Variants in MAP3K7 observed in about 807,000 individuals in gnomAD.
MAP3K7 encodes the protein TGF-beta activated kinase 1.
Under a neutral mutation model 84.8 loss-of-function variants are expected in MAP3K7, and 21 were observed. The observed-to-expected ratio is 0.25, with a 90% CI of 0.18 to 0.36. MAP3K7 has a LOEUF of 0.36. Among genes scored for constraint, MAP3K7 ranks in the 10% least tolerant of loss-of-function variants. The pLI is 1.00. For missense variants in MAP3K7, 503 were observed against 747.7 expected (o/e 0.67, Z 3.82); for synonymous variants, 241 against 247.7 (o/e 0.97, Z 0.25).
At chr6:90,553,227 C>T (rs566970597) in intron 7 of MAP3K7, among the ~76,000 whole-genome samples, 7 of 152,216 alleles carry the variant, frequency 4.6e-5, no homozygotes, top group African/African-American at 1.7e-4. Flanking sequence ...ATCAGCGGAG[C>T]CAGTGAACAT....
intron 1 of MAP3K7, among the ~76,000 whole-genome samples, chr6:90,581,199 C>A (rs1031534951): frequency 6.6e-6 from 1 of 152,232 alleles, no homozygotes; most frequent in Admixed American, 6.5e-5. Context: ...ACACACCTAA[C>A]CTAAATGGAA....
Position 90,515,388 on chromosome 6 carries a change from T to C in MAP3K7, c.*1113A>G, listed in dbSNP as rs1774925705. The C allele has an allele frequency of 1.3e-5, 2 of 152,004 alleles. No homozygotes were observed. The highest frequency in any genetic ancestry group is 2.9e-5 in the Non-Finnish European group (2 of 67,906). 9.4% of individuals were successfully genotyped at this position (152,004 alleles called of 1,614,324 possible). On this transcript the variant is annotated 3_prime_UTR_variant, in exon 17 of 17. Coordinates refer to ENST00000369329, the MANE Select transcript of MAP3K7 (RefSeq NM_145331.3). ...TAACAATATAAATACTCTGTAAGTG[T>C]TGAAATTCTCTTGAAAGTGTTGAAA...
At chr6:90,560,353 T>G (rs1169100039) in intron 4 of MAP3K7, 139 bp from the exon 5 acceptor site, 1 of 881,026 alleles carries the variant, frequency 1.1e-6, no homozygotes, top group Non-Finnish European at 1.7e-6. Flanking sequence ...CTTTTAATTT[T>G]TTACTTTCTT....
At chr6:90,566,617 C>T (rs182520507) in intron 3 of MAP3K7, among the ~76,000 whole-genome samples, 9 of 152,204 alleles carry the variant, frequency 5.9e-5, no homozygotes, top group South Asian at 2.1e-4. Flanking sequence ...GAATCAATAT[C>T]GTGAAAATGG....
chr6:90,519,460 G>GAC, intron 14 of MAP3K7, 141 bp from the exon 15 acceptor site: 1 of 612,882 alleles, frequency 1.6e-6, no homozygotes, highest in East Asian at 3.1e-5. Flanking sequence ...TAATTGAAGA[G>GAC]TCTATTTCTG....
intron 1 of MAP3K7, among the ~76,000 whole-genome samples, chr6:90,583,834 A>G (rs1314751654): frequency 6.6e-6 from 1 of 152,180 alleles, no homozygotes; most frequent in Non-Finnish European, 1.5e-5. Context: ...CATTCTCTAC[A>G]GCCAGTTCTA....
At position 90,536,344 on chromosome 6, in the gene MAP3K7, G is replaced by C; in HGVS notation, c.1349C>G (p.Pro450Arg). 6.2e-7 allele frequency: 1 copy of C among 1,611,306 alleles called. No homozygotes were observed. The highest frequency in any genetic ancestry group is 8.5e-7 in the Non-Finnish European group (1 of 1,177,840). Residue 450 changes from proline to arginine, a missense_variant, in exon 13 of 17, where the codon CCT becomes CGT. Around this residue, in one of 5 missense-constraint regions of MAP3K7, gnomAD observed 286 missense variants for 313.6 expected, o/e 0.91. Transcript: ENST00000369329. ...IQDLTVTGTE[P>R]GQVSSRSSSP... ...ATTTGAATGTTGTCTTACCTGACCAGGTTCTGTTCCAGTTACAGTCAAGTC... is the reference window on the plus strand; with the variant it reads ...ATTTGAATGTTGTCTTACCTGACCACGTTCTGTTCCAGTTACAGTCAAGTC...
At chr6:90,553,169 C>T (rs1776233242) in intron 7 of MAP3K7, among the ~76,000 whole-genome samples, 1 of 152,068 alleles carries the variant, frequency 6.6e-6, no homozygotes, top group Non-Finnish European at 1.5e-5. Context: ...ATGCTTCTCC[C>T]TAAGAGAGAG....
Position 90,516,233 on chromosome 6 carries a change from A to T in MAP3K7, c.*268T>A, listed in dbSNP as rs1230666633. The stretch of plus-strand genomic sequence containing the variant: ...CTTCACACAATGAGCATGCATATAC[A>T]GCCACAGTTCACTGCATCTGTTTTG... On this transcript the variant is annotated 3_prime_UTR_variant, in exon 17 of 17. Transcript: ENST00000369329. 2.0e-6 allele frequency: 1 copy of T among 496,432 alleles called. No homozygotes were observed. The highest frequency in any genetic ancestry group is 3.7e-5 in the East Asian group (1 of 26,766). The allele number at this position is 496,432 out of a possible 1,614,324, so 30.8% of individuals were successfully genotyped here.
At chr6:90,551,927 C>G in intron 8 of MAP3K7, 122 bp downstream of exon 8, 1 of 1,108,882 alleles carries the variant, frequency 9.0e-7, no homozygotes, top group South Asian at 2.5e-5. Context: ...CCCATTCTCA[C>G]TTAGAAAACA....
At chr6:90,582,908 A>G in intron 1 of MAP3K7, among the ~76,000 whole-genome samples, 1 of 135,494 alleles carries the variant, frequency 7.4e-6, no homozygotes, top group Non-Finnish European at 1.5e-5. Context: ...TTTGAGACAG[A>G]GTCTCCCTCT....
At chr6:90,557,742 T>A (rs948635855) in intron 5 of MAP3K7, among the ~76,000 whole-genome samples, 1 of 152,180 alleles carries the variant, frequency 6.6e-6, no homozygotes, top group African/African-American at 2.4e-5. Context: ...TTAGTACTCC[T>A]TTACTCGACT....
At chr6:90,528,399 A>G (rs1266117911) in intron 13 of MAP3K7, among the ~76,000 whole-genome samples, 1 of 151,016 alleles carries the variant, frequency 6.6e-6, no homozygotes, top group East Asian at 1.9e-4. Context: ...AATCCATCGT[A>G]TGTGAGTTCT....
intron 2 of MAP3K7, 40 bp downstream of exon 2, chr6:90,571,657 A>T: frequency 8.4e-7 from 1 of 1,188,416 alleles, no homozygotes; most frequent in Non-Finnish European, 1.2e-6. Flanking sequence ...AGAGTATCTT[A>T]AGTGCAGAAC....
chr6:90,584,334 C>A (rs911461009), intron 1 of MAP3K7, among the ~76,000 whole-genome samples: 5 of 152,086 alleles, frequency 3.3e-5, no homozygotes, highest in Non-Finnish European at 7.4e-5. Context: ...TTATGTAATG[C>A]TTTCAATATC....
At chr6:90,546,455 G>GT (rs1176285495) in intron 11 of MAP3K7, among the ~76,000 whole-genome samples, 1 of 152,014 alleles carries the variant, frequency 6.6e-6, no homozygotes, top group Non-Finnish European at 1.5e-5. Context: ...AATTATGTAA[G>GT]TTTTTTTGGC....
chr6:90,550,779 T>C (rs1776156437), intron 8 of MAP3K7: 2 of 367,718 alleles, frequency 5.4e-6, no homozygotes, highest in South Asian at 9.8e-5. Context: ...AAACAGCAAA[T>C]ATTTCTCTAG....
chr6:90,532,526 A>C (rs1775541669), intron 13 of MAP3K7, among the ~76,000 whole-genome samples: 1 of 152,238 alleles, frequency 6.6e-6, no homozygotes, highest in South Asian at 2.1e-4. Context: ...TAGATTATAA[A>C]GTCCATATGG....
intron 12 of MAP3K7, chr6:90,537,326 TACTC>T (rs988871033): frequency 6.6e-6 from 1 of 152,050 alleles, no homozygotes; most frequent in African/African-American, 2.4e-5. Context: ...TTAGAACATG[TACTC>T]ACTCTAATTG....
Sources: gnomAD v4.1 joint callset for allele counts (sites outside exome capture counted in the v4.1 genomes callset) on GRCh38, gnomAD v4.1.1 for gene constraint, gnomAD v4.1.1 regional missense constraint, MANE v1.5 for transcripts, NCBI Gene and HGNC (gene_info 2026-07-23, HGNC 2026-07-21) for gene names.